The following GULP1 variants were observed in gnomAD, a reference collection of about 807,000 sequenced individuals.
GULP1 encodes GULP PTB domain containing engulfment adaptor 1, also known as PTB domain-containing engulfment adapter protein 1.
In GULP1, 19 loss-of-function variants were observed where a neutral mutation model predicts 40.9. The ratio of observed to expected loss-of-function variants is 0.46; its 90% CI spans 0.32 to 0.68. GULP1 has a LOEUF of 0.68. Ranked by LOEUF, GULP1 falls within the 30% of genes least tolerant of loss-of-function variation. The probability of loss-of-function intolerance (pLI) is 0.03; values close to 1 mark genes in which losing one functional copy is unlikely to be tolerated. For missense variants in GULP1, 312 were observed against 362.2 expected (o/e 0.86, Z 1.12); for synonymous variants, 119 against 117.6 (o/e 1.01, Z -0.08).
chr2:188,560,071 G>A (rs1277885417), intron 7 of GULP1, among the ~76,000 whole-genome samples: 1 of 152,162 alleles, frequency 6.6e-6, no homozygotes, highest in East Asian at 1.9e-4. Flanking sequence ...TCAGCAGCGT[G>A]AAAGTGGACT....
At chr2:188,297,803 T>G (rs1215458907) in intron 1 of GULP1, among the ~76,000 whole-genome samples, 6 of 152,096 alleles carry the variant, frequency 3.9e-5, no homozygotes. Flanking sequence ...TAATATCAAT[T>G]TTAAATATAA....
intron 1 of GULP1, among the ~76,000 whole-genome samples, chr2:188,293,555 A>C (rs2034263282): frequency 6.6e-6 from 1 of 152,168 alleles, no homozygotes; most frequent in African/African-American, 2.4e-5. Flanking sequence ...GAGGAATTGG[A>C]AATTCTTCAA....
Position 188,483,432 on chromosome 2 carries a change from CA to C in GULP1, c.34del (p.Thr12HisfsTer35). The C allele has an allele frequency of 6.6e-7, 1 of 1,507,502 alleles. No individual in the cohort carries two copies. The highest frequency in any genetic ancestry group is 9.1e-7 in the Non-Finnish European group (1 of 1,093,542). 93.4% of individuals were successfully genotyped at this position (1,507,502 alleles called of 1,614,324 possible). On this transcript the variant is annotated frameshift_variant and splice_region_variant, in exon 4 of 12. Transcript: ENST00000409830. LOFTEE classifies it high-confidence loss of function. MNRAFSRKKD[K>X]TWMHTPEALS... ...AACTCTGTGTATTTTTTATTGCAGA[CA>C]AAACATGGATGCATACACCTGAAGC...
rs372365728 is a variant in GULP1 at position 188,303,796 on chromosome 2, A to G, written c.-172+11630A>G. Among the ~76,000 whole-genome samples the G allele has an allele frequency of 8.5e-5, 13 of 152,342 alleles. No individual in the cohort carries two copies. The South Asian group carries it at 2.3e-3, about 27-fold the overall frequency. On this transcript the variant is annotated intron_variant, in intron 1 of 11. Coordinates refer to ENST00000409830, the MANE Select transcript of GULP1 (RefSeq NM_016315.4). The stretch of plus-strand genomic sequence containing the variant: ...TATTAGTTTTTTTGCATAAGAATGC[A>G]ATAAACATGCTTGAGATGCTTGCTT...
chr2:188,340,929 C>A (rs1214721080), intron 1 of GULP1, among the ~76,000 whole-genome samples: 2 of 152,156 alleles, frequency 1.3e-5, no homozygotes, highest in Non-Finnish European at 2.9e-5. Context: ...AATCAATCTG[C>A]TTCTCTCCGA....
intron 1 of GULP1, among the ~76,000 whole-genome samples, chr2:188,353,302 C>T (rs1438715636): frequency 6.6e-6 from 1 of 152,116 alleles, no homozygotes; most frequent in African/African-American, 2.4e-5. Context: ...TGTACTAACT[C>T]GTTTATCCTC....
intron 1 of GULP1, among the ~76,000 whole-genome samples, chr2:188,368,258 G>A (rs1438824871): frequency 2.6e-5 from 4 of 152,046 alleles, no homozygotes; most frequent in East Asian, 1.9e-4. Context: ...TTTTTTCTGC[G>A]ACATTGATGG....
At position 188,594,645 on chromosome 2, in the gene GULP1, A is replaced by G. The variant is rs1704181189; in HGVS notation, c.*634A>G. On this transcript the variant is annotated 3_prime_UTR_variant, in exon 12 of 12. Transcript: ENST00000409830. Reference sequence around the variant, plus strand: ...TAGTAAATGCAAGGTGATGTTAGTTATGATCAGTTATACTCTAAATATTTA... The same window carrying G: ...TAGTAAATGCAAGGTGATGTTAGTTGTGATCAGTTATACTCTAAATATTTA... 2 of 151,810 alleles carry G rather than the reference A, an allele frequency of 1.3e-5. No individual in the cohort carries two copies. Among genetic ancestry groups the G allele is most frequent in the South Asian group, 4.1e-4 (2 of 4,834 alleles). 9.4% of individuals were successfully genotyped at this position (151,810 alleles called of 1,614,324 possible).
chr2:188,310,738 C>T (rs2037945070), intron 1 of GULP1, among the ~76,000 whole-genome samples: 1 of 151,996 alleles, frequency 6.6e-6, no homozygotes, highest in Non-Finnish European at 1.5e-5. Context: ...CCCCTGAGAG[C>T]ACTGATATTT....
chr2:188,320,401 A>G (rs2039791931), intron 1 of GULP1, among the ~76,000 whole-genome samples: 1 of 152,164 alleles, frequency 6.6e-6, no homozygotes, highest in African/African-American at 2.4e-5. Flanking sequence ...TATTTGCTGC[A>G]TCATTACATG....
chr2:188,544,951 G>A (rs1334924786), intron 7 of GULP1, among the ~76,000 whole-genome samples: 1 of 151,888 alleles, frequency 6.6e-6, no homozygotes, highest in Non-Finnish European at 1.5e-5. Context: ...TCAAGCTTCT[G>A]AAAACTAAAG....
At position 188,429,731 on chromosome 2, in the gene GULP1, C is replaced by T. The variant is rs571332880; in HGVS notation, c.-45+45842C>T. On this transcript the variant is annotated intron_variant, in intron 2 of 11. Transcript: ENST00000409830. The stretch of plus-strand genomic sequence containing the variant: ...TTTTGTTGTTTTTTTTTTTAAGAGA[C>T]GGAGTCTCGCTCTGTTGCCCAGGCT... 9.2e-5 allele frequency among the ~76,000 whole-genome samples: 14 copies of T among 151,496 alleles called. No homozygotes were observed. The South Asian group carries it at 2.1e-3, about 23-fold the overall frequency.
At chr2:188,357,007 T>A (rs1409034225) in intron 1 of GULP1, among the ~76,000 whole-genome samples, 1 of 152,066 alleles carries the variant, frequency 6.6e-6, no homozygotes, top group Non-Finnish European at 1.5e-5. Context: ...GATATCCACA[T>A]GCAGAAAAAT....
At chr2:188,337,725 A>T (rs1363735219) in intron 1 of GULP1, among the ~76,000 whole-genome samples, 1 of 151,822 alleles carries the variant, frequency 6.6e-6, no homozygotes, top group Admixed American at 6.6e-5. Flanking sequence ...TTATATTGTT[A>T]TTTCAGTCTA....
At chr2:188,456,536 G>A (rs1445477852) in intron 2 of GULP1, among the ~76,000 whole-genome samples, 1 of 152,200 alleles carries the variant, frequency 6.6e-6, no homozygotes, top group Non-Finnish European at 1.5e-5. Context: ...TCAAGTTTGG[G>A]AATCTCTGCC....
rs185652052 is a variant in GULP1, at chr2:188,569,343, G to T, written c.504G>T (p.Gly168=). The change falls in exon 8 of 12, where the codon GGG becomes GGT. Residue 168 remains glycine (G), a synonymous_variant. Coordinates refer to ENST00000409830, the MANE Select transcript of GULP1 (RefSeq NM_016315.4). ...TTGAAACAAGAAAACAGATCGCAGG[G>T]TTACAAAAAAGAGTGAGTAAACTAA... The part of the protein sequence containing the change: ...KDVETRKQIA[G]LQKRIQDLET... 1.3e-6 allele frequency: 2 copies of T among 1,532,858 alleles called. No homozygotes were observed. Among genetic ancestry groups the T allele is most frequent in the Non-Finnish European group, 1.8e-6 (2 of 1,106,600 alleles). The allele number at this position is 1,532,858 out of a possible 1,614,324, so 95.0% of individuals were successfully genotyped here.
intron 2 of GULP1, among the ~76,000 whole-genome samples, chr2:188,448,305 T>A (rs189823873): frequency 1.3e-5 from 2 of 152,326 alleles, no homozygotes; most frequent in East Asian, 3.9e-4. Context: ...GTATTATTTC[T>A]TTTTTTGCTA....
At chr2:188,298,928 G>C (rs1008010435) in intron 1 of GULP1, among the ~76,000 whole-genome samples, 3 of 152,140 alleles carry the variant, frequency 2.0e-5, no homozygotes, top group African/African-American at 7.2e-5. Flanking sequence ...TGCCTCTCAC[G>C]GATGGAGCAA....
chr2:188,310,245 T>C (rs1432511290), intron 1 of GULP1, among the ~76,000 whole-genome samples: 1 of 152,148 alleles, frequency 6.6e-6, no homozygotes, highest in Non-Finnish European at 1.5e-5. Context: ...TTTGCACTTA[T>C]AAAACCTCAC....
Sources: allele counts gnomAD v4.1 joint callset (sites outside exome capture counted in the v4.1 genomes callset), GRCh38; gene constraint gnomAD v4.1.1; transcripts MANE v1.5; gene names NCBI Gene and HGNC (gene_info 2026-07-23, HGNC 2026-07-21).